The following GPR158 variants were observed in gnomAD, a reference collection of about 807,000 sequenced individuals.
The protein encoded by GPR158 is G protein-coupled receptor 158, also known as metabotropic glycine receptor.
GPR158 carries 30 observed loss-of-function variants against 78.2 expected under a neutral mutation model. That is an observed-to-expected ratio of 0.38 (90% CI 0.29 to 0.52). The LOEUF is 0.52. Ranked by LOEUF, GPR158 falls within the 20% of genes least tolerant of loss-of-function variation. GPR158 has a pLI of 0.83. For synonymous variants in GPR158, 581 were observed against 591.1 expected, an observed-to-expected ratio of 0.98 and a Z score of 0.25; for missense variants, 1,463 against 1,523.5, an observed-to-expected ratio of 0.96 and a Z score of 0.66.
intron 2 of GPR158, among the ~76,000 whole-genome samples, chr10:25,381,286 A>G (rs1414076510): frequency 6.6e-6 from 1 of 152,208 alleles, no homozygotes; most frequent in Non-Finnish European, 1.5e-5. Flanking sequence ...GCAACATCAG[A>G]TCAATGGAGC....
intron 2 of GPR158, among the ~76,000 whole-genome samples, chr10:25,223,651 C>T (rs1853332342): frequency 6.6e-6 from 1 of 152,134 alleles, no homozygotes; most frequent in Admixed American, 6.6e-5. Flanking sequence ...TGTGTTCTGG[C>T]TCTACTTTAT....
Position 25,572,632 on chromosome 10 carries a change from A to C in GPR158, c.1515-17A>C. The C allele has an allele frequency of 6.7e-7, 1 of 1,494,018 alleles. No homozygotes were observed. Among genetic ancestry groups the C allele is most frequent in the Non-Finnish European group, 9.3e-7 (1 of 1,070,472 alleles). 92.5% of individuals were successfully genotyped at this position (1,494,018 alleles called of 1,614,324 possible). ...AATGTTAGGTTTGCTTTCACATTTG[A>C]ACTTTTGCTTTTCTAGGGTTTTGAA... On this transcript the variant is annotated splice_polypyrimidine_tract_variant and intron_variant, in intron 6 of 10. Coordinates refer to ENST00000376351, the MANE Select transcript of GPR158 (RefSeq NM_020752.3).
At chr10:25,515,418 T>G (rs1352669449) in intron 5 of GPR158, among the ~76,000 whole-genome samples, 1 of 151,154 alleles carries the variant, frequency 6.6e-6, no homozygotes, top group Non-Finnish European at 1.5e-5. Context: ...GTGCACATTG[T>G]GCAGGTTAGT....
chr10:25,322,304 C>T (rs112018000), intron 2 of GPR158, among the ~76,000 whole-genome samples: 2,309 of 152,030 alleles, frequency 0.015, 67 homozygotes, highest in African/African-American at 0.052. Flanking sequence ...TGGCGTGAAC[C>T]CGGGAGGCGG....
At chr10:25,265,932 A>T (rs1309185727) in intron 2 of GPR158, among the ~76,000 whole-genome samples, 1 of 152,206 alleles carries the variant, frequency 6.6e-6, no homozygotes, top group African/African-American at 2.4e-5. Context: ...TGCTTAAAAC[A>T]TTCCAATGGC....
intron 2 of GPR158, among the ~76,000 whole-genome samples, chr10:25,377,411 A>C (rs2130559994): frequency 1.3e-5 from 2 of 152,180 alleles, no homozygotes; most frequent in Middle Eastern, 6.8e-3. Flanking sequence ...TATAAAATTT[A>C]CCTTTCTAAA....
chr10:25,294,480 T>A (rs140452005), intron 2 of GPR158, among the ~76,000 whole-genome samples: 3 of 152,360 alleles, frequency 2.0e-5, no homozygotes, highest in East Asian at 3.9e-4. Context: ...TGCTTGTGAC[T>A]CACTGAGCTG....
Position 25,384,172 on chromosome 10 carries a change from G to A in GPR158, c.1009-11739G>A, listed in dbSNP as rs141319758. ...GCAGTTGTAACTATGATTTGAAAGG[G>A]AGAAAAGACATTTGTAGAGTTAAGT... is the stretch of plus-strand genomic sequence containing the variant. On this transcript the variant is annotated intron_variant, in intron 2 of 10. Transcript: ENST00000376351. 2.0e-3 allele frequency among the ~76,000 whole-genome samples: 297 copies of A among 152,140 alleles called. 1 individual carries two copies. The highest frequency in any genetic ancestry group is 6.7e-3 in the African/African-American group (279 of 41,516).
chr10:25,277,353 G>A (rs2130749388), intron 2 of GPR158, among the ~76,000 whole-genome samples: 2 of 151,712 alleles, frequency 1.3e-5, no homozygotes, highest in Non-Finnish European at 2.9e-5. Context: ...GCTCCTATAG[G>A]AAAAAAATGA....
At chr10:25,225,744 C>A (rs1450233043) in intron 2 of GPR158, among the ~76,000 whole-genome samples, 2 of 152,074 alleles carry the variant, frequency 1.3e-5, no homozygotes, top group African/African-American at 4.8e-5. Flanking sequence ...TGCTCTAAGA[C>A]AGTTTCCCAT....
intron 1 of GPR158, among the ~76,000 whole-genome samples, chr10:25,204,818 G>GT (rs1159106958): frequency 0.025 from 2,944 of 118,886 alleles, 57 homozygotes; most frequent in Middle Eastern, 0.054. Context: ...GTCTCTGAGG[G>GT]TTTTTTTTTT....
intron 1 of GPR158, among the ~76,000 whole-genome samples, chr10:25,183,563 C>A (rs1348239440): frequency 6.6e-6 from 1 of 152,222 alleles, no homozygotes; most frequent in African/African-American, 2.4e-5. Flanking sequence ...TCTTCCCCCA[C>A]ACAAAGTTGC....
At chr10:25,427,548 G>A (rs1170649654) in intron 4 of GPR158, among the ~76,000 whole-genome samples, 1 of 151,896 alleles carries the variant, frequency 6.6e-6, no homozygotes, top group Non-Finnish European at 1.5e-5. Context: ...ACCACTGATG[G>A]CTGGTTGTTA....
At chr10:25,421,598 G>A (rs992583973) in intron 4 of GPR158, among the ~76,000 whole-genome samples, 1 of 152,018 alleles carries the variant, frequency 6.6e-6, no homozygotes, top group Non-Finnish European at 1.5e-5. Flanking sequence ...GGTTTATAAT[G>A]GATGATACTT....
chr10:25,319,714 A>T (rs1854917606), intron 2 of GPR158, among the ~76,000 whole-genome samples: 1 of 152,152 alleles, frequency 6.6e-6, no homozygotes, highest in Non-Finnish European at 1.5e-5. Context: ...CATCGGCGAC[A>T]TCGTTCTTTA....
chr10:25,384,599 C>T (rs1280291610), intron 2 of GPR158, among the ~76,000 whole-genome samples: 1 of 152,032 alleles, frequency 6.6e-6, no homozygotes, highest in Admixed American at 6.6e-5. Context: ...ATTACATAAA[C>T]TTTATTTATT....
intron 2 of GPR158, among the ~76,000 whole-genome samples, chr10:25,305,964 T>G (rs991937276): frequency 6.6e-6 from 1 of 152,208 alleles, no homozygotes; most frequent in African/African-American, 2.4e-5. Context: ...ATGGCGTTAA[T>G]GATTCATGTA....
At chr10:25,271,006 A>C (rs557898454) in intron 2 of GPR158, among the ~76,000 whole-genome samples, 1 of 152,152 alleles carries the variant, frequency 6.6e-6, no homozygotes, top group Non-Finnish European at 1.5e-5. Context: ...TTCATCTCAT[A>C]CTTTGTAGAT....
At chr10:25,279,957 CCAT>C (rs1854244401) in intron 2 of GPR158, among the ~76,000 whole-genome samples, 10 of 140,166 alleles carry the variant, frequency 7.1e-5, no homozygotes, top group Admixed American at 7.1e-4. Context: ...TAAAAGGTAA[CCAT>C]TAAAATGAAA....
Sources: gnomAD v4.1 joint callset for allele counts (sites outside exome capture counted in the v4.1 genomes callset) on GRCh38, gnomAD v4.1.1 for gene constraint, MANE v1.5 for transcripts, NCBI Gene and HGNC (gene_info 2026-07-23, HGNC 2026-07-21) for gene names.